PIK3C2G: variants seen among roughly 807,000 people sequenced by gnomAD.
PIK3C2G encodes phosphatidylinositol 3-kinase C2 domain-containing subunit gamma.
In PIK3C2G, 168 loss-of-function variants were observed where a neutral mutation model predicts 181.1. The observed-to-expected ratio is 0.93, with a 90% confidence interval of 0.82 to 1.05. PIK3C2G has a LOEUF of 1.05. Ranked by LOEUF, PIK3C2G falls within the 50% of genes least tolerant of loss-of-function variation. The probability of loss-of-function intolerance (pLI) is 0.00; values close to 1 mark genes in which losing one functional copy is unlikely to be tolerated. For missense variants in PIK3C2G, 1,869 were observed against 1,732.8 expected (o/e 1.08, Z -1.40); for synonymous variants, 573 against 592.2 (o/e 0.97, Z 0.47).
chr12:18,643,547 A>T (rs532732509), intron 32 of PIK3C2G, among the ~76,000 whole-genome samples: 1 of 151,826 alleles, frequency 6.6e-6, no homozygotes, highest in South Asian at 2.1e-4. Context: ...GGTTAATTTA[A>T]TTTTTTTCAT....
At chr12:18,313,316 G>A (rs555146364) in intron 5 of PIK3C2G, among the ~76,000 whole-genome samples, 9 of 152,228 alleles carry the variant, frequency 5.9e-5, no homozygotes, top group Non-Finnish European at 1.3e-4. Context: ...AAATATAACA[G>A]TGCCAGTAGA....
At chr12:18,479,976 T>C (rs995481067) in intron 18 of PIK3C2G, among the ~76,000 whole-genome samples, 2 of 152,098 alleles carry the variant, frequency 1.3e-5, no homozygotes, top group Non-Finnish European at 2.9e-5. Context: ...AGGGAATGTG[T>C]TCAGCTGGAG....
chr12:18,262,365 T>C (rs1303591951), intron 1 of PIK3C2G, among the ~76,000 whole-genome samples: 1 of 152,128 alleles, frequency 6.6e-6, no homozygotes, highest in African/African-American at 2.4e-5. Context: ...AATGTAATTA[T>C]TGCATCTTAG....
At chr12:18,549,103 C>T (rs181003342) in intron 26 of PIK3C2G, among the ~76,000 whole-genome samples, 1 of 152,152 alleles carries the variant, frequency 6.6e-6, no homozygotes, top group African/African-American at 2.4e-5. Flanking sequence ...CAGCTAGTAC[C>T]TCATCCATGA....
chr12:18,381,863 T>A lies in PIK3C2G; in HGVS notation c.1978T>A (p.Ser660Thr). ...TPGVWDVSQP[S>T]PVTLQIDFPA... is the part of the protein sequence containing the mutation. ...AGGAGTGTGGGATGTAAGTCAGCCA[T>A]CCCCGGTGACCCTGCAGGTAAGTGC... Residue 660 changes from serine (S) to threonine (T), a missense_variant, in exon 14 of 33, where the codon TCC becomes ACC. Coordinates refer to ENST00000538779, the MANE Select transcript of PIK3C2G (RefSeq NM_001288772.2). 3 of 1,609,708 alleles carry A rather than the reference T, an allele frequency of 1.9e-6. No individual in the cohort carries two copies. Among genetic ancestry groups the A allele is most frequent in the Non-Finnish European group, 2.6e-6 (3 of 1,176,000 alleles).
rs149862069 is a variant in PIK3C2G, at chr12:18,581,223, G to T, written c.4012-13271G>T. Reference sequence around the variant, plus strand: ...TTTTAATTTAAAATTATTCAGTTGGGTTTCAAATTTGTTCTTTATTGATTG... The same window carrying T: ...TTTTAATTTAAAATTATTCAGTTGGTTTTCAAATTTGTTCTTTATTGATTG... On this transcript the variant is annotated intron_variant, in intron 29 of 32. Transcript: ENST00000538779. Among the ~76,000 whole-genome samples the T allele has an allele frequency of 4.8e-3, 723 of 152,198 alleles. 6 individuals carry two copies. The highest frequency in any genetic ancestry group is 0.016 in the African/African-American group (685 of 41,542).
intron 1 of PIK3C2G, among the ~76,000 whole-genome samples, chr12:18,264,012 ATCT>A (rs1948366823): frequency 6.6e-6 from 1 of 152,024 alleles, no homozygotes; most frequent in Non-Finnish European, 1.5e-5. Flanking sequence ...CCCTTTTCTC[ATCT>A]TCTCACTTAC....
intron 12 of PIK3C2G, among the ~76,000 whole-genome samples, chr12:18,363,463 C>T (rs1941416162): frequency 6.6e-6 from 1 of 152,042 alleles, no homozygotes. Context: ...TTGCTCCCCG[C>T]ACCCAACTTA....
intron 8 of PIK3C2G, among the ~76,000 whole-genome samples, chr12:18,328,525 A>T (rs1386237420): frequency 6.6e-6 from 1 of 152,020 alleles, no homozygotes; most frequent in African/African-American, 2.4e-5. Context: ...ACATAACTTA[A>T]GCCTAATGGT....
At chr12:18,524,207 AT>A (rs2136192281) in intron 24 of PIK3C2G, among the ~76,000 whole-genome samples, 1 of 152,256 alleles carries the variant, frequency 6.6e-6, no homozygotes, top group African/African-American at 2.4e-5. Context: ...TCCAACTCAC[AT>A]TTGTCTCTGT....
chr12:18,438,028 G>GATT (rs1308505707), intron 18 of PIK3C2G, among the ~76,000 whole-genome samples: 1 of 151,820 alleles, frequency 6.6e-6, no homozygotes, highest in African/African-American at 2.4e-5. Context: ...AATAAACATG[G>GATT]ATTAAGCAAT....
chr12:18,408,892 GA>G (rs1944696067), intron 16 of PIK3C2G, among the ~76,000 whole-genome samples: 2 of 152,152 alleles, frequency 1.3e-5, no homozygotes, highest in Admixed American at 1.3e-4. Context: ...AAAAAGTCAG[GA>G]AACAACAGAT....
At chr12:18,317,437 A>G (rs1024267230) in intron 6 of PIK3C2G, among the ~76,000 whole-genome samples, 6 of 152,194 alleles carry the variant, frequency 3.9e-5, no homozygotes, top group African/African-American at 1.4e-4. Flanking sequence ...AGTATATACA[A>G]TCTAGTAACA....
intron 18 of PIK3C2G, among the ~76,000 whole-genome samples, chr12:18,466,738 T>C (rs762553732): frequency 3.9e-5 from 6 of 151,932 alleles, no homozygotes; most frequent in South Asian, 2.1e-4. Flanking sequence ...AAAAAGTCAA[T>C]AGCAAACCAC....
the PIK3C2G span, chr12:18,683,262 C>G: frequency 6.2e-7 from 1 of 1,612,370 alleles, no homozygotes; most frequent in Non-Finnish European, 8.5e-7. Flanking sequence ...CAAACATAAA[C>G]AAACAGTGAA....
At chr12:18,694,106 A>G in the PIK3C2G span, 6 of 1,018,852 alleles carry the variant, frequency 5.9e-6, no homozygotes, top group Non-Finnish European at 1.5e-6. Context: ...CTAGTGAACT[A>G]CGGCTGCCAT....
At chr12:18,529,941 A>G (rs1211692040) in intron 24 of PIK3C2G, among the ~76,000 whole-genome samples, 13 of 152,158 alleles carry the variant, frequency 8.5e-5, no homozygotes, top group Admixed American at 8.5e-4. Context: ...CAACCCACCC[A>G]TCTGTTGTCT....
chr12:18,692,693 A>C, the PIK3C2G span: 1 of 732,770 alleles, frequency 1.4e-6, no homozygotes, highest in South Asian at 1.7e-5. Context: ...GTAAAGAACA[A>C]AATCAAATAC....
intron 3 of PIK3C2G, among the ~76,000 whole-genome samples, 198 bp downstream of exon 3, chr12:18,287,127 A>C (rs1005971128): frequency 6.6e-6 from 1 of 152,206 alleles, no homozygotes; most frequent in African/African-American, 2.4e-5. Flanking sequence ...ATAGTCAAAT[A>C]GATGTTTTTC....
Sources: gnomAD v4.1 joint callset for allele counts (sites outside exome capture counted in the v4.1 genomes callset) on GRCh38, gnomAD v4.1.1 for gene constraint, MANE v1.5 for transcripts, NCBI Gene and HGNC (gene_info 2026-07-23, HGNC 2026-07-21) for gene names.